The following MDGA2 variants were observed in gnomAD, a reference collection of about 807,000 sequenced individuals.
MDGA2 encodes MAM domain-containing glycosylphosphatidylinositol anchor protein 2.
Under a neutral mutation model 117.8 loss-of-function variants are expected in MDGA2, and 40 were observed. The observed-to-expected ratio is 0.34, with a 90% confidence interval of 0.26 to 0.44. MDGA2 has a LOEUF of 0.44. MDGA2 is among the 20% of genes least tolerant of loss of function. The pLI is 1.00. For missense variants in MDGA2, 1,123 were observed against 1,250.6 expected, an observed-to-expected ratio of 0.90 and a Z score of 1.54; for synonymous variants, 452 against 439.0, an observed-to-expected ratio of 1.03 and a Z score of -0.37.
intron 8 of MDGA2, among the ~76,000 whole-genome samples, chr14:47,016,205 G>GTA (rs961125281): frequency 5.3e-5 from 8 of 151,928 alleles, no homozygotes; most frequent in Admixed American, 5.3e-4. Flanking sequence ...TATTTGCATG[G>GTA]TTTTTAATGG....
At chr14:46,957,715 G>C (rs1031462804) in intron 8 of MDGA2, 72 bp from the exon 9 acceptor site, 2 of 1,545,592 alleles carry the variant, frequency 1.3e-6, no homozygotes, top group East Asian at 2.3e-5. Flanking sequence ...CTTATTAGAA[G>C]AAGCCATTTG....
chr14:46,947,579 C>T (rs1052974029), intron 9 of MDGA2, among the ~76,000 whole-genome samples: 21 of 151,862 alleles, frequency 1.4e-4, no homozygotes, highest in South Asian at 4.1e-4. Context: ...ATGCTCTTTC[C>T]GTGAGTCTCA....
At chr14:47,414,131 G>A (rs1204146802) in intron 1 of MDGA2, among the ~76,000 whole-genome samples, 1 of 152,086 alleles carries the variant, frequency 6.6e-6, no homozygotes, top group Non-Finnish European at 1.5e-5. Context: ...GAGATACAGT[G>A]GAAAAACTCT....
chr14:47,281,859 C>G (rs993942567), intron 2 of MDGA2, among the ~76,000 whole-genome samples: 1 of 151,770 alleles, frequency 6.6e-6, no homozygotes, highest in Non-Finnish European at 1.5e-5. Flanking sequence ...AAGCTCGAGA[C>G]CAACCTGGCC....
intron 1 of MDGA2, among the ~76,000 whole-genome samples, chr14:47,562,861 T>C (rs903960589): frequency 1.3e-5 from 2 of 152,052 alleles, no homozygotes; most frequent in African/African-American, 4.8e-5. Context: ...TTGGTGGGAG[T>C]TTAGTGCTAT....
intron 1 of MDGA2, among the ~76,000 whole-genome samples, chr14:47,585,522 A>T (rs1031155519): frequency 3.3e-5 from 5 of 151,934 alleles, no homozygotes; most frequent in African/African-American, 1.2e-4. Flanking sequence ...CTTATAAGAA[A>T]GTATGGCGTA....
chr14:47,078,129 T>TA (rs1470117249), intron 6 of MDGA2, among the ~76,000 whole-genome samples: 11 of 152,064 alleles, frequency 7.2e-5, no homozygotes, highest in Non-Finnish European at 4.4e-5. Context: ...TAACAAAAGG[T>TA]AAACATCAGA....
chr14:47,324,828 T>C (rs1036048310), intron 1 of MDGA2, among the ~76,000 whole-genome samples: 3 of 151,734 alleles, frequency 2.0e-5, no homozygotes, highest in Admixed American at 6.6e-5. Flanking sequence ...AATTCAGTAT[T>C]GTATACACAG....
At chr14:46,929,599 G>GTGTGTGTGTGTGTGTGTA (rs1884463926) in intron 9 of MDGA2, among the ~76,000 whole-genome samples, 1 of 15,270 alleles carries the variant, frequency 6.5e-5, no homozygotes, top group African/African-American at 2.1e-4. Context: ...GTGTGTGTGT[G>GTGTGTGTGTGTGTGTGTA]TGTATATATA....
chr14:47,651,184 T>C (rs1897633117), intron 1 of MDGA2, among the ~76,000 whole-genome samples: 1 of 150,864 alleles, frequency 6.6e-6, no homozygotes, highest in East Asian at 2.0e-4. Context: ...TAGATGACCT[T>C]AAGGGAGATT....
chr14:47,024,962 C>T (rs1401149954), intron 8 of MDGA2, among the ~76,000 whole-genome samples: 1 of 152,028 alleles, frequency 6.6e-6, no homozygotes, highest in Non-Finnish European at 1.5e-5. Context: ...CTACTCCCTG[C>T]CAAACCCAGA....
At chr14:46,847,621 A>G (rs1880893592) in intron 15 of MDGA2, among the ~76,000 whole-genome samples, 1 of 151,966 alleles carries the variant, frequency 6.6e-6, no homozygotes, top group African/African-American at 2.4e-5. Flanking sequence ...AGGATTTAGA[A>G]AAAAATGAAC....
intron 5 of MDGA2, among the ~76,000 whole-genome samples, chr14:47,107,006 T>G: frequency 8.6e-6 from 1 of 116,088 alleles, no homozygotes; most frequent in Non-Finnish European, 1.8e-5. Context: ...CAGCTATATC[T>G]CATTGCCACC....
intron 14 of MDGA2, among the ~76,000 whole-genome samples, chr14:46,863,218 T>C (rs912596012): frequency 2.0e-5 from 3 of 152,104 alleles, no homozygotes; most frequent in African/African-American, 4.8e-5. Context: ...TTCTCTTCCA[T>C]AGACACTTTT....
At position 47,221,709 on chromosome 14, in the gene MDGA2, T is replaced by C. The variant is rs975722121; in HGVS notation, c.421-3514A>G. 8.1e-5 allele frequency among the ~76,000 whole-genome samples: 12 copies of C among 148,598 alleles called. No individual in the cohort carries two copies. The South Asian group carries it at 1.5e-3, about 18-fold the overall frequency. ...TCTCAAAAAAAAAAAAAAAAGAGAT[T>C]ACGGGAAGTGAGTGGAAAAAATAGA... On this transcript the variant is annotated intron_variant, in intron 2 of 16. Transcript: ENST00000399232.
chr14:47,281,007 A>G (rs1162746098), intron 2 of MDGA2, among the ~76,000 whole-genome samples: 2 of 147,770 alleles, frequency 1.4e-5, no homozygotes, highest in Non-Finnish European at 3.0e-5. Flanking sequence ...TATATATGGT[A>G]TATAATATAT....
intron 1 of MDGA2, among the ~76,000 whole-genome samples, chr14:47,548,874 T>C (rs1042645346): frequency 1.2e-4 from 19 of 152,140 alleles, no homozygotes; most frequent in African/African-American, 4.1e-4. Context: ...CAGTCTATTG[T>C]TTGGCCCAAA....
intron 8 of MDGA2, among the ~76,000 whole-genome samples, chr14:47,025,283 T>A (rs1011810331): frequency 2.0e-5 from 3 of 152,132 alleles, no homozygotes; most frequent in African/African-American, 4.8e-5. Flanking sequence ...TCAACTATAA[T>A]CTTAGGTGAC....
At chr14:46,912,035 G>A (rs1883724597) in intron 10 of MDGA2, among the ~76,000 whole-genome samples, 1 of 152,012 alleles carries the variant, frequency 6.6e-6, no homozygotes, top group African/African-American at 2.4e-5. Flanking sequence ...CACCTCATGG[G>A]CTCATGTTTG....
Sources: gnomAD v4.1 joint callset for allele counts (sites outside exome capture counted in the v4.1 genomes callset) on GRCh38, gnomAD v4.1.1 for gene constraint, MANE v1.5 for transcripts, NCBI Gene and HGNC (gene_info 2026-07-23, HGNC 2026-07-21) for gene names.